PDE4B: variants seen among roughly 807,000 people sequenced by gnomAD.
The protein encoded by PDE4B is phosphodiesterase 4B, also known as 3',5'-cyclic-AMP phosphodiesterase 4B.
In PDE4B, 20 loss-of-function variants were observed where a neutral mutation model predicts 82.2. That is an observed-to-expected ratio of 0.24 (90% CI 0.17 to 0.35). PDE4B has a LOEUF of 0.35. Among genes scored for constraint, PDE4B ranks in the 10% least tolerant of loss-of-function variants. The pLI, the probability that PDE4B is intolerant of heterozygous loss-of-function variation, is 1.00. For synonymous variants in PDE4B, 320 were observed against 318.9 expected (o/e 1.00, Z -0.04); for missense variants, 655 against 907.2 (o/e 0.72, Z 3.57).
chr1:65,825,241 T>C (rs1646000922), intron 1 of PDE4B, among the ~76,000 whole-genome samples: 1 of 152,134 alleles, frequency 6.6e-6, no homozygotes. Flanking sequence ...CCTTTTTCAA[T>C]TGTGGACATT....
intron 3 of PDE4B, among the ~76,000 whole-genome samples, chr1:66,182,328 T>G (rs1647083964): frequency 1.3e-5 from 2 of 152,256 alleles, no homozygotes; most frequent in African/African-American, 2.4e-5. Context: ...ATTATTGTTT[T>G]GGGGAAATAT....
At chr1:66,322,001 T>G (rs1158965727) in intron 7 of PDE4B, among the ~76,000 whole-genome samples, 2 of 151,578 alleles carry the variant, frequency 1.3e-5, no homozygotes, top group African/African-American at 4.8e-5. Context: ...CAGAACAGAG[T>G]CCTCAGAAAT....
intron 3 of PDE4B, among the ~76,000 whole-genome samples, chr1:66,000,828 A>G (rs756413009): frequency 5.3e-5 from 8 of 152,328 alleles, no homozygotes; most frequent in Admixed American, 1.3e-4. Context: ...AGGATAGTGT[A>G]GCTTCAAAGA....
intron 3 of PDE4B, among the ~76,000 whole-genome samples, chr1:66,206,518 A>C (rs1649566921): frequency 6.6e-6 from 1 of 152,218 alleles, no homozygotes; most frequent in South Asian, 2.1e-4. Flanking sequence ...TATACCAAAC[A>C]TTCTGTATTA....
chr1:66,259,240 C>G (rs576428664), intron 6 of PDE4B, among the ~76,000 whole-genome samples: 17 of 152,234 alleles, frequency 1.1e-4, no homozygotes, highest in African/African-American at 3.1e-4. Context: ...TAACAAATAA[C>G]TACTGGGCAC....
intron 3 of PDE4B, among the ~76,000 whole-genome samples, chr1:65,988,014 C>G (rs1238813826): frequency 1.3e-5 from 2 of 152,226 alleles, no homozygotes; most frequent in African/African-American, 4.8e-5. Flanking sequence ...GTGCCATAGT[C>G]TATCCCAAAT....
intron 1 of PDE4B, among the ~76,000 whole-genome samples, chr1:65,891,134 A>G (rs1326322023): frequency 2.0e-5 from 3 of 152,134 alleles, no homozygotes; most frequent in Non-Finnish European, 2.9e-5. Context: ...ATCATTTGCC[A>G]TTTGTGGAAA....
At chr1:66,103,180 C>T (rs762672207) in intron 3 of PDE4B, among the ~76,000 whole-genome samples, 5 of 151,972 alleles carry the variant, frequency 3.3e-5, no homozygotes, top group South Asian at 2.1e-4. Flanking sequence ...GAGTCTTCAC[C>T]GAAAGGTTGA....
At chr1:66,049,140 C>T (rs757776960) in intron 3 of PDE4B, among the ~76,000 whole-genome samples, 1 of 151,948 alleles carries the variant, frequency 6.6e-6, no homozygotes, top group East Asian at 1.9e-4. Context: ...AGATTAGGCT[C>T]TACTCTAAAT....
At chr1:66,281,212 T>C (rs1656276825) in intron 7 of PDE4B, among the ~76,000 whole-genome samples, 1 of 152,260 alleles carries the variant, frequency 6.6e-6, no homozygotes, top group East Asian at 1.9e-4. Flanking sequence ...CTTCTACAAT[T>C]CCCTTTTCTA....
chr1:65,887,564 C>T (rs1646804970), intron 1 of PDE4B, among the ~76,000 whole-genome samples: 2 of 150,200 alleles, frequency 1.3e-5, no homozygotes, highest in African/African-American at 4.9e-5. Flanking sequence ...ACTACAGGTG[C>T]CCACCAGCAT....
rs540678845 is a variant in PDE4B, at chr1:66,241,981, G to A, written c.282-5479G>A. On this transcript the variant is annotated intron_variant, in intron 3 of 16. Coordinates refer to ENST00000341517, the MANE Select transcript of PDE4B (RefSeq NM_002600.4). Reference sequence around the variant, plus strand: ...ACAAATATTTGTTATGTGCCTTTTGGTGTGATACTCAGCTCTAGGCCCTGG... The same window carrying A: ...ACAAATATTTGTTATGTGCCTTTTGATGTGATACTCAGCTCTAGGCCCTGG... 3.3e-5 allele frequency among the ~76,000 whole-genome samples: 5 copies of A among 152,244 alleles called. No individual in the cohort carries two copies. In the South Asian group the frequency reaches 1.0e-3, roughly 32 times the overall value.
intron 3 of PDE4B, among the ~76,000 whole-genome samples, chr1:66,097,840 AT>A (rs1490732125): frequency 6.8e-6 from 1 of 146,598 alleles, no homozygotes; most frequent in African/African-American, 2.5e-5. Flanking sequence ...GACTTTTTAG[AT>A]AATACATTGT....
intron 3 of PDE4B, among the ~76,000 whole-genome samples, chr1:66,213,292 CT>C (rs1315846337): frequency 6.6e-6 from 1 of 151,926 alleles, no homozygotes; most frequent in African/African-American, 2.4e-5. Context: ...GAGAGAATAC[CT>C]TTTTAGGTAT....
chr1:66,248,680 A>C lies in PDE4B; in HGVS notation c.476+1026A>C, dbSNP rs72641148. 0.01 allele frequency among the ~76,000 whole-genome samples: 1,542 copies of C among 152,368 alleles called. 51 individuals are homozygous for C. In the East Asian group the frequency reaches 0.12, roughly 11 times the overall value. On this transcript the variant is annotated intron_variant, in intron 4 of 16. Coordinates refer to ENST00000341517, the MANE Select transcript of PDE4B (RefSeq NM_002600.4). ...GTGTCAATCTCTGGTGATAAAAGAC[A>C]AACAAAACAGTGTAAAAATCACAGA...
At chr1:66,294,361 T>C (rs1423736196) in intron 7 of PDE4B, among the ~76,000 whole-genome samples, 1 of 152,184 alleles carries the variant, frequency 6.6e-6, no homozygotes, top group Admixed American at 6.5e-5. Flanking sequence ...AACTTCTGAT[T>C]GTTTATTCAT....
At chr1:66,209,653 G>A (rs1570474273) in intron 3 of PDE4B, among the ~76,000 whole-genome samples, 1 of 152,152 alleles carries the variant, frequency 6.6e-6, no homozygotes, top group Non-Finnish European at 1.5e-5. Flanking sequence ...CCATCACTCA[G>A]TAAATTGCTT....
intron 1 of PDE4B, among the ~76,000 whole-genome samples, chr1:65,851,550 T>C (rs1014171715): frequency 1.7e-4 from 26 of 152,050 alleles, no homozygotes; most frequent in Non-Finnish European, 3.7e-4. Flanking sequence ...ATATAAATTG[T>C]TAAATTTATT....
intron 3 of PDE4B, among the ~76,000 whole-genome samples, chr1:66,228,199 G>A (rs949468953): frequency 6.6e-6 from 1 of 152,074 alleles, no homozygotes; most frequent in Non-Finnish European, 1.5e-5. Flanking sequence ...ATCTCTCCTG[G>A]CACTATTTCC....
Sources: gnomAD v4.1 joint callset for allele counts (sites outside exome capture counted in the v4.1 genomes callset) on GRCh38, gnomAD v4.1.1 for gene constraint, MANE v1.5 for transcripts, NCBI Gene and HGNC (gene_info 2026-07-23, HGNC 2026-07-21) for gene names.